GALNTL6: variants seen among roughly 807,000 people sequenced by gnomAD.
GALNTL6 encodes the protein polypeptide N-acetylgalactosaminyltransferase-like 6.
GALNTL6 carries 46 observed loss-of-function variants against 73.7 expected under a neutral mutation model. The ratio of observed to expected loss-of-function variants is 0.62; its 90% CI spans 0.49 to 0.80. The LOEUF (loss-of-function observed/expected upper bound fraction) is 0.80. Among genes scored for constraint, GALNTL6 ranks in the 30% least tolerant of loss-of-function variants. GALNTL6 has a pLI of 0.00. For synonymous variants in GALNTL6, 259 were observed against 263.7 expected, an observed-to-expected ratio of 0.98 and a Z score of 0.17; for missense variants, 604 against 755.0, an observed-to-expected ratio of 0.80 and a Z score of 2.34.
intron 2 of GALNTL6, among the ~76,000 whole-genome samples, chr4:171,907,243 A>G: frequency 6.6e-6 from 1 of 151,942 alleles, no homozygotes; most frequent in African/African-American, 2.4e-5. Context: ...TATCTAGAAA[A>G]CCCCATTGTC....
intron 5 of GALNTL6, among the ~76,000 whole-genome samples, chr4:172,734,826 G>T (rs1434533876): frequency 6.6e-6 from 1 of 152,198 alleles, no homozygotes; most frequent in Non-Finnish European, 1.5e-5. Flanking sequence ...AGCCGCTCCA[G>T]CCATGGCTAA....
intron 9 of GALNTL6, among the ~76,000 whole-genome samples, chr4:172,950,135 C>T (rs1317903897): frequency 2.6e-5 from 4 of 152,184 alleles, no homozygotes; most frequent in South Asian, 2.1e-4. Flanking sequence ...TGTTTCCTTT[C>T]TGGTCCCCAA....
At chr4:172,963,836 T>C (rs1230735058) in intron 10 of GALNTL6, among the ~76,000 whole-genome samples, 1 of 152,216 alleles carries the variant, frequency 6.6e-6, no homozygotes, top group Non-Finnish European at 1.5e-5. Context: ...CGTTCTGACA[T>C]CCTATGGGGA....
At chr4:172,296,631 C>T (rs113720368) in intron 3 of GALNTL6, among the ~76,000 whole-genome samples, 7,514 of 152,080 alleles carry the variant, frequency 0.049, 592 homozygotes, top group African/African-American at 0.17. Context: ...TTTGTCCTTG[C>T]GATAGTTTGC....
chr4:171,873,970 T>C (rs1252851143), intron 2 of GALNTL6, among the ~76,000 whole-genome samples: 1 of 152,174 alleles, frequency 6.6e-6, no homozygotes, highest in Non-Finnish European at 1.5e-5. Context: ...AAGTCAGGTG[T>C]TTAGCCAGGC....
intron 5 of GALNTL6, among the ~76,000 whole-genome samples, chr4:172,796,361 T>C (rs961518373): frequency 2.0e-5 from 3 of 152,104 alleles, no homozygotes; most frequent in Non-Finnish European, 4.4e-5. Flanking sequence ...CTTTCTGACC[T>C]TCATTTTCCT....
intron 10 of GALNTL6, among the ~76,000 whole-genome samples, chr4:172,962,281 T>C (rs975483930): frequency 2.0e-5 from 3 of 152,200 alleles, no homozygotes; most frequent in Non-Finnish European, 2.9e-5. Context: ...ACAGGGGATA[T>C]GATGGCTTAG....
At chr4:172,323,065 G>A (rs115952864) in intron 4 of GALNTL6, among the ~76,000 whole-genome samples, 1,865 of 152,202 alleles carry the variant, frequency 0.012, 14 homozygotes, top group Middle Eastern at 0.024. Context: ...TGAGCACATG[G>A]CTGCAGGAAC....
At chr4:171,913,823 G>A (rs1737540012) in intron 2 of GALNTL6, among the ~76,000 whole-genome samples, 3 of 151,212 alleles carry the variant, frequency 2.0e-5, no homozygotes, top group Admixed American at 6.6e-5. Context: ...TTTGAAAAAA[G>A]TATGGATTTA....
intron 2 of GALNTL6, among the ~76,000 whole-genome samples, chr4:171,993,548 T>C (rs935398858): frequency 6.6e-6 from 1 of 152,150 alleles, no homozygotes; most frequent in African/African-American, 2.4e-5. Context: ...AGATCAATTC[T>C]GTTCTTGCCA....
At chr4:172,771,082 C>A (rs1421776402) in intron 5 of GALNTL6, among the ~76,000 whole-genome samples, 1 of 152,152 alleles carries the variant, frequency 6.6e-6, no homozygotes, top group Non-Finnish European at 1.5e-5. Flanking sequence ...GCAGTTTTGA[C>A]AATTCAAATA....
rs992361081 is a variant in GALNTL6 at position 172,237,716 on chromosome 4, T to C, written c.247+7952T>C. ...AGGTTTTCTTCAAGGATTTTATAAT[T>C]TTAGGTTTTACATTTGAGTCTTTAA... On this transcript the variant is annotated intron_variant, in intron 3 of 12. Transcript: ENST00000506823. 9.8e-5 allele frequency among the ~76,000 whole-genome samples: 15 copies of C among 152,286 alleles called. No homozygotes were observed. The East Asian group carries it at 2.7e-3, about 27-fold the overall frequency.
intron 3 of GALNTL6, among the ~76,000 whole-genome samples, chr4:172,293,761 G>T (rs981088626): frequency 8.6e-5 from 13 of 151,072 alleles, no homozygotes; most frequent in African/African-American, 3.2e-4. Flanking sequence ...AAAACATTTT[G>T]CATAAATTAA....
At chr4:172,739,942 T>TAA (rs11342855) in intron 5 of GALNTL6, among the ~76,000 whole-genome samples, 16 of 147,576 alleles carry the variant, frequency 1.1e-4, no homozygotes, top group Middle Eastern at 3.5e-3. Context: ...AATGATACAT[T>TAA]AAAAAAAAAA....
chr4:171,904,868 C>T (rs901393251), intron 2 of GALNTL6, among the ~76,000 whole-genome samples: 4 of 152,100 alleles, frequency 2.6e-5, no homozygotes, highest in African/African-American at 9.7e-5. Flanking sequence ...GAATTTTCAA[C>T]CCAGAATTTC....
chr4:172,551,976 G>A (rs909353418), intron 5 of GALNTL6, among the ~76,000 whole-genome samples: 3 of 152,040 alleles, frequency 2.0e-5, no homozygotes, highest in African/African-American at 7.2e-5. Flanking sequence ...AATGAAAACT[G>A]AAATAAGAAA....
chr4:172,228,494 G>A (rs780898418), intron 2 of GALNTL6, among the ~76,000 whole-genome samples: 17 of 151,986 alleles, frequency 1.1e-4, no homozygotes, highest in Non-Finnish European at 2.5e-4. Context: ...TATAAGCTAT[G>A]AAGATGGGCT....
intron 5 of GALNTL6, among the ~76,000 whole-genome samples, chr4:172,389,928 G>T (rs1444090693): frequency 6.6e-6 from 1 of 152,018 alleles, no homozygotes; most frequent in Non-Finnish European, 1.5e-5. Flanking sequence ...CTTTAAAAAT[G>T]ATACCTTTAT....
chr4:172,612,413 C>T (rs1368864433), intron 5 of GALNTL6, among the ~76,000 whole-genome samples: 2 of 152,066 alleles, frequency 1.3e-5, no homozygotes, highest in African/African-American at 4.8e-5. Flanking sequence ...ACATTAAAGC[C>T]AGGACACTAG....
Sources: allele counts gnomAD v4.1 joint callset (sites outside exome capture counted in the v4.1 genomes callset), GRCh38; gene constraint gnomAD v4.1.1; transcripts MANE v1.5; gene names NCBI Gene and HGNC (gene_info 2026-07-23, HGNC 2026-07-21).